ADGRL2: variants seen among roughly 807,000 people sequenced by gnomAD.
ADGRL2 encodes the protein adhesion G protein-coupled receptor L2.
ADGRL2 carries 44 observed loss-of-function variants against 157.4 expected under a neutral mutation model. That is an observed-to-expected ratio of 0.28 (90% CI 0.22 to 0.36). The LOEUF is 0.36. Ranked by LOEUF, ADGRL2 falls within the 10% of genes least tolerant of loss-of-function variation. The pLI, the probability that ADGRL2 is intolerant of heterozygous loss-of-function variation, is 1.00. For missense variants in ADGRL2, 1,510 were observed against 1,768.9 expected (o/e 0.85, Z 2.63); for synonymous variants, 585 against 624.7 (o/e 0.94, Z 0.95).
intron 11 of ADGRL2, among the ~76,000 whole-genome samples, chr1:81,963,487 AC>A (rs1188644577): frequency 6.6e-6 from 1 of 151,938 alleles, no homozygotes; most frequent in Non-Finnish European, 1.5e-5. Flanking sequence ...AGAGTTTTTC[AC>A]TATTGTTTGC....
intron 3 of ADGRL2, among the ~76,000 whole-genome samples, chr1:81,919,743 A>C (rs1309788857): frequency 6.6e-6 from 1 of 152,190 alleles, no homozygotes; most frequent in Admixed American, 6.6e-5. Flanking sequence ...GTTTGTAAGT[A>C]ACTTTTGAAA....
chr1:81,975,557 A>C (rs557062590), intron 17 of ADGRL2, among the ~76,000 whole-genome samples: 2 of 151,730 alleles, frequency 1.3e-5, no homozygotes, highest in East Asian at 3.9e-4. Flanking sequence ...GTTGTGATTT[A>C]TTTTGTAAAT....
At chr1:81,734,714 A>T (rs1265430770) in intron 1 of ADGRL2, among the ~76,000 whole-genome samples, 1 of 148,852 alleles carries the variant, frequency 6.7e-6, no homozygotes, top group African/African-American at 2.4e-5. Flanking sequence ...AAGTCCTCTA[A>T]TCAATGAAGA....
chr1:81,650,586 A>G (rs924415019), intron 3 of ADGRL2, among the ~76,000 whole-genome samples: 2 of 151,618 alleles, frequency 1.3e-5, no homozygotes, highest in Non-Finnish European at 2.9e-5. Context: ...AAAAAAAAAA[A>G]AAAAAAAGAA....
chr1:81,980,002 G>A (rs949464853), intron 18 of ADGRL2, 42 bp downstream of exon 18: 1 of 1,062,170 alleles, frequency 9.4e-7, no homozygotes, highest in Non-Finnish European at 1.5e-6. Flanking sequence ...GACAAACTAA[G>A]TAAAAGATAC....
intron 1 of ADGRL2, among the ~76,000 whole-genome samples, chr1:81,358,098 GC>G (rs1553156902): frequency 9.3e-6 from 1 of 107,002 alleles, no homozygotes; most frequent in Non-Finnish European, 2.3e-5. Flanking sequence ...CAAGAATCAA[GC>G]CCCCAGCGTG....
At chr1:81,725,462 T>TTCC (rs1485532855) in intron 1 of ADGRL2, among the ~76,000 whole-genome samples, 1 of 151,574 alleles carries the variant, frequency 6.6e-6, no homozygotes, top group African/African-American at 2.4e-5. Context: ...TTATTTGAAC[T>TTCC]CGGGAGGTGA....
chr1:81,891,959 AGT>A (rs3221626), intron 2 of ADGRL2, among the ~76,000 whole-genome samples: 14,331 of 149,200 alleles, frequency 0.096, 1,279 homozygotes, highest in African/African-American at 0.24. Context: ...GTGGCTAATA[AGT>A]GTGTGTGTGT....
intron 1 of ADGRL2, among the ~76,000 whole-genome samples, chr1:81,417,797 C>A (rs1284241293): frequency 6.6e-6 from 1 of 152,138 alleles, no homozygotes; most frequent in Non-Finnish European, 1.5e-5. Flanking sequence ...TGAATATTAT[C>A]ATAGTGTGAT....
At position 81,950,277 on chromosome 1, in the gene ADGRL2, C is replaced by T. The variant is rs747093403; in HGVS notation, c.1299C>T (p.Pro433=). Residue 433 remains proline (P), a synonymous_variant, in exon 7 of 24, where the codon CCC becomes CCT. Coordinates refer to ENST00000686636, the MANE Select transcript of ADGRL2 (RefSeq NM_001366006.2). ...STTSTTSQKG[P]MSTTVAGSQE... is the part of the protein sequence containing the mutation. Reference sequence around the variant, plus strand: ...CAAGCACTACTTCACAGAAAGGCCCCATGAGCACAACTGTAGCTGGATCAC... The same window carrying T: ...CAAGCACTACTTCACAGAAAGGCCCTATGAGCACAACTGTAGCTGGATCAC... The T allele has an allele frequency of 3.7e-6, 6 of 1,613,990 alleles. No individual in the cohort carries two copies. In the East Asian group the frequency reaches 1.3e-4, roughly 36 times the overall value.
At chr1:81,351,595 T>A (rs1381938447) in intron 1 of ADGRL2, among the ~76,000 whole-genome samples, 2 of 124,420 alleles carry the variant, frequency 1.6e-5, no homozygotes, top group Non-Finnish European at 3.7e-5. Flanking sequence ...TGATTCCAGA[T>A]TAATTGTTAA....
chr1:81,975,500 C>CT (rs1558034208), intron 17 of ADGRL2, among the ~76,000 whole-genome samples: 1 of 152,100 alleles, frequency 6.6e-6, no homozygotes, highest in Non-Finnish European at 1.5e-5. Context: ...CTCCCTGCCT[C>CT]TTTGCCTGCC....
intron 2 of ADGRL2, among the ~76,000 whole-genome samples, chr1:81,878,305 T>C (rs1002579378): frequency 2.6e-5 from 4 of 152,032 alleles, no homozygotes; most frequent in African/African-American, 9.7e-5. Context: ...GAAGAAATTA[T>C]ATGAGAAGAA....
intron 1 of ADGRL2, among the ~76,000 whole-genome samples, chr1:81,368,579 C>A (rs2076106996): frequency 6.6e-6 from 1 of 152,160 alleles, no homozygotes; most frequent in Non-Finnish European, 1.5e-5. Context: ...TGTTGAGAAT[C>A]TTTATTCTGT....
chr1:81,667,418 A>G (rs1570779139), intron 3 of ADGRL2, among the ~76,000 whole-genome samples: 1 of 152,308 alleles, frequency 6.6e-6, no homozygotes, highest in Non-Finnish European at 1.5e-5. Flanking sequence ...AATATATTTA[A>G]TTTTTGATCT....
intron 2 of ADGRL2, among the ~76,000 whole-genome samples, chr1:81,574,463 G>T (rs950974530): frequency 6.6e-6 from 1 of 152,152 alleles, no homozygotes; most frequent in Non-Finnish European, 1.5e-5. Context: ...CCTCAGAAAT[G>T]AATGGGCAAC....
intron 1 of ADGRL2, among the ~76,000 whole-genome samples, chr1:81,389,915 C>T (rs1171676806): frequency 1.3e-5 from 2 of 151,998 alleles, no homozygotes; most frequent in South Asian, 2.1e-4. Flanking sequence ...ATACAAAATT[C>T]CATGTCTGCT....
chr1:81,713,075 A>T (rs2083991153), intron 1 of ADGRL2, among the ~76,000 whole-genome samples: 1 of 152,010 alleles, frequency 6.6e-6, no homozygotes, highest in East Asian at 1.9e-4. Context: ...GGATTCTTAT[A>T]ATATTTTTTA....
chr1:81,407,015 G>C (rs1399759060), intron 1 of ADGRL2, among the ~76,000 whole-genome samples: 3 of 152,088 alleles, frequency 2.0e-5, no homozygotes, highest in Non-Finnish European at 4.4e-5. Flanking sequence ...TTTGGGTTGA[G>C]CTCCTTATTC....
Sources: allele counts gnomAD v4.1 joint callset (sites outside exome capture counted in the v4.1 genomes callset), GRCh38; gene constraint gnomAD v4.1.1; transcripts MANE v1.5; gene names NCBI Gene and HGNC (gene_info 2026-07-23, HGNC 2026-07-21).